The following RBFOX1 variants were observed in gnomAD, a reference collection of about 807,000 sequenced individuals.
RBFOX1 encodes the protein RNA binding protein fox-1 homolog 1.
In RBFOX1, 8 loss-of-function variants were observed where a neutral mutation model predicts 57.7. The observed-to-expected ratio is 0.14, with a 90% CI of 0.08 to 0.25. The LOEUF is 0.25. RBFOX1 is among the 10% of genes least tolerant of loss of function. The probability of loss-of-function intolerance (pLI) is 1.00; values close to 1 mark genes in which losing one functional copy is unlikely to be tolerated. For synonymous variants in RBFOX1, 326 were observed against 222.4 expected (o/e 1.47, Z -4.15); for missense variants, 611 against 548.5 (o/e 1.11, Z -1.14).
At chr16:5,734,050 G>A (rs2052484122) in intron 3 of RBFOX1, among the ~76,000 whole-genome samples, 1 of 152,272 alleles carries the variant, frequency 6.6e-6, no homozygotes, top group African/African-American at 2.4e-5. Flanking sequence ...TGCACGAACA[G>A]CCCAGGCACT....
chr16:6,336,055 C>G (rs1391720247), intron 2 of RBFOX1, among the ~76,000 whole-genome samples: 1 of 146,548 alleles, frequency 6.8e-6, no homozygotes, highest in Non-Finnish European at 1.5e-5. Context: ...CTCTGTGAGC[C>G]TTGGTTTCCT....
At chr16:6,385,218 A>G (rs988550008) in intron 2 of RBFOX1, among the ~76,000 whole-genome samples, 1 of 152,214 alleles carries the variant, frequency 6.6e-6, no homozygotes, top group Non-Finnish European at 1.5e-5. Context: ...TTTCGTATTT[A>G]AATAATGGAA....
chr16:6,035,300 C>T (rs1305058404), intron 1 of RBFOX1, among the ~76,000 whole-genome samples: 8 of 152,212 alleles, frequency 5.3e-5, no homozygotes, highest in Admixed American at 4.6e-4. Flanking sequence ...ATCTTCCATT[C>T]AGCCGTCTCA....
At chr16:6,964,131 C>T (rs748136911) in intron 3 of RBFOX1, among the ~76,000 whole-genome samples, 2 of 152,156 alleles carry the variant, frequency 1.3e-5, no homozygotes, top group Non-Finnish European at 2.9e-5. Context: ...GATTCTCCTG[C>T]CTCAGCCTCC....
At chr16:6,810,837 G>T (rs1484920011) in intron 3 of RBFOX1, among the ~76,000 whole-genome samples, 3 of 152,124 alleles carry the variant, frequency 2.0e-5, no homozygotes, top group Non-Finnish European at 2.9e-5. Flanking sequence ...TGCCGGGAAA[G>T]GTCGCCATGA....
chr16:5,366,718 A>T (rs1206630632), intron 1 of RBFOX1: 1 of 375,612 alleles, frequency 2.7e-6, no homozygotes, highest in Non-Finnish European at 5.1e-6. Context: ...TTTGTTAAAA[A>T]TTTTCCATCT....
chr16:6,195,489 G>A (rs925430979), intron 1 of RBFOX1, among the ~76,000 whole-genome samples: 7 of 152,132 alleles, frequency 4.6e-5, no homozygotes, highest in African/African-American at 1.2e-4. Flanking sequence ...AGGCCAAGGC[G>A]GGCCAATCAC....
chr16:6,773,564 ATG>A (rs1446673899), intron 3 of RBFOX1, among the ~76,000 whole-genome samples: 1 of 107,550 alleles, frequency 9.3e-6, no homozygotes, highest in Non-Finnish European at 1.9e-5. Context: ...TTGTGTGTGT[ATG>A]TGTGGGTGTG....
chr16:6,484,495 A>C (rs1331637156), intron 2 of RBFOX1, among the ~76,000 whole-genome samples: 1 of 152,092 alleles, frequency 6.6e-6, no homozygotes, highest in Non-Finnish European at 1.5e-5. Flanking sequence ...TCTGAGATCA[A>C]ATGGGAGAAA....
At chr16:6,345,222 G>C (rs1349375327) in intron 2 of RBFOX1, among the ~76,000 whole-genome samples, 1 of 152,144 alleles carries the variant, frequency 6.6e-6, no homozygotes, top group African/African-American at 2.4e-5. Flanking sequence ...GCTTTACCCA[G>C]AAGAGAATTC....
intron 4 of RBFOX1, among the ~76,000 whole-genome samples, chr16:7,166,956 T>C (rs1204643680): frequency 6.9e-6 from 1 of 144,728 alleles, no homozygotes; most frequent in African/African-American, 2.6e-5. Flanking sequence ...AAGCCCCAGA[T>C]TGCTGCATTG....
intron 4 of RBFOX1, among the ~76,000 whole-genome samples, chr16:5,883,523 A>ACC (rs71142653): frequency 5.3e-5 from 2 of 37,846 alleles, no homozygotes; most frequent in African/African-American, 7.5e-4. Context: ...CGGGTGGCAA[A>ACC]CCCACAGTCC....
chr16:6,948,006 T>G (rs574315861), intron 3 of RBFOX1, among the ~76,000 whole-genome samples: 36 of 152,288 alleles, frequency 2.4e-4, no homozygotes, highest in African/African-American at 7.7e-4. Flanking sequence ...CTCAAACTCC[T>G]GACCTAAAGC....
At chr16:5,416,656 G>A (rs1041494248) in intron 1 of RBFOX1, among the ~76,000 whole-genome samples, 4 of 151,026 alleles carry the variant, frequency 2.6e-5, no homozygotes, top group Non-Finnish European at 4.4e-5. Flanking sequence ...CAATGCTTAC[G>A]ATTGTTCCCT....
intron 14 of RBFOX1, among the ~76,000 whole-genome samples, chr16:7,684,403 T>G (rs1198901866): frequency 6.6e-6 from 1 of 152,122 alleles, no homozygotes; most frequent in Non-Finnish European, 1.5e-5. Flanking sequence ...AACTAGTCAC[T>G]TTTCTTTTTT....
intron 4 of RBFOX1, among the ~76,000 whole-genome samples, chr16:7,052,657 G>A (rs1043044848): frequency 1.3e-5 from 2 of 152,256 alleles, no homozygotes; most frequent in South Asian, 2.1e-4. Flanking sequence ...TTGGTGCTCA[G>A]GCATATCGGT....
At chr16:5,590,583 A>G (rs546828634) in intron 2 of RBFOX1, among the ~76,000 whole-genome samples, 4 of 152,112 alleles carry the variant, frequency 2.6e-5, no homozygotes, top group Non-Finnish European at 5.9e-5. Context: ...TGATGGAGGA[A>G]TGGGGTGGTG....
At position 5,854,351 on chromosome 16, in the gene RBFOX1, GTGCCT is replaced by G. The variant is rs2056972902; in HGVS notation, c.319-12951_319-12947del. Among the ~76,000 whole-genome samples the G allele has an allele frequency of 5.9e-5, 9 of 152,274 alleles. No individual in the cohort carries two copies. In the South Asian group the frequency reaches 1.9e-3, roughly 32 times the overall value. On this transcript the variant is annotated intron_variant, in intron 3 of 19. Coordinates refer to the RBFOX1 transcript ENST00000641259. ...ATCTCCCTATTTCTTCTCACCTCCGGTGCCTGGCAACCATCATTCTAGTCTCCGCT... is the reference window on the plus strand; with the variant it reads ...ATCTCCCTATTTCTTCTCACCTCCGGGGCAACCATCATTCTAGTCTCCGCT...
At position 7,459,416 on chromosome 16, in the gene RBFOX1, T is replaced by C. The variant is rs183434737; in HGVS notation, c.28-58731T>C. Among the ~76,000 whole-genome samples, 14 of 152,238 alleles carry C rather than the reference T, an allele frequency of 9.2e-5. No homozygotes were observed. In the East Asian group the frequency reaches 2.1e-3, roughly 23 times the overall value. ...GTGCCTTCCTTCCTTCTCTGGCAAA[T>C]TGAAAATTATGATGGAAATAAGAAT... On this transcript the variant is annotated intron_variant, in intron 4 of 15. Coordinates refer to ENST00000550418, the MANE Select transcript of RBFOX1 (RefSeq NM_018723.4).
Sources: allele counts gnomAD v4.1 joint callset (sites outside exome capture counted in the v4.1 genomes callset), GRCh38; gene constraint gnomAD v4.1.1; transcripts MANE v1.5; gene names NCBI Gene and HGNC (gene_info 2026-07-23, HGNC 2026-07-21).